DENND4C: variants seen among roughly 807,000 people sequenced by gnomAD.
DENND4C encodes DENN domain-containing protein 4C.
A neutral mutation model predicts 203.0 loss-of-function variants in DENND4C; 108 were observed. The observed-to-expected ratio is 0.53, with a 90% CI of 0.46 to 0.62. The LOEUF is 0.62. Among genes scored for constraint, DENND4C ranks in the 20% least tolerant of loss-of-function variants. The pLI, the probability that DENND4C is intolerant of heterozygous loss-of-function variation, is 0.00. For synonymous variants in DENND4C, 871 were observed against 792.4 expected (o/e 1.10, Z -1.67); for missense variants, 2,481 against 2,301.2 (o/e 1.08, Z -1.60).
chr9:19,353,927 T>C (rs765775379), intron 26 of DENND4C, among the ~76,000 whole-genome samples: 1 of 152,182 alleles, frequency 6.6e-6, no homozygotes, highest in Non-Finnish European at 1.5e-5. Flanking sequence ...TTCTCTGTTT[T>C]TTCTTTTAGC....
intron 1 of DENND4C, among the ~76,000 whole-genome samples, chr9:19,240,388 C>G (rs993451536): frequency 6.6e-6 from 1 of 152,122 alleles, no homozygotes; most frequent in Non-Finnish European, 1.5e-5. Flanking sequence ...GGGCCGGGAA[C>G]CAGGCACAGT....
At chr9:19,325,910 C>T in intron 13 of DENND4C, 29 bp from the exon 14 acceptor site, 2 of 1,585,938 alleles carry the variant, frequency 1.3e-6, no homozygotes, top group Non-Finnish European at 1.7e-6. Flanking sequence ...TGGACATTTT[C>T]ATTAAGAATC....
intron 12 of DENND4C, among the ~76,000 whole-genome samples, chr9:19,322,305 A>C (rs1037919749): frequency 2.6e-5 from 4 of 152,192 alleles, no homozygotes; most frequent in Non-Finnish European, 2.9e-5. Context: ...CAAGTAGTAC[A>C]TTCCTCCAGA....
At chr9:19,309,094 A>C (rs767953089) in intron 10 of DENND4C, among the ~76,000 whole-genome samples, 9 of 152,174 alleles carry the variant, frequency 5.9e-5, no homozygotes, top group Non-Finnish European at 8.8e-5. Context: ...CTAAGTGACT[A>C]TGGGATTTCT....
intron 2 of DENND4C, among the ~76,000 whole-genome samples, chr9:19,280,694 C>T (rs891845645): frequency 1.4e-5 from 2 of 141,382 alleles, no homozygotes; most frequent in Non-Finnish European, 3.1e-5. Context: ...CTCTTTTAGG[C>T]ATCTTTTTTT....
At chr9:19,322,945 C>T (rs906501160) in intron 12 of DENND4C, among the ~76,000 whole-genome samples, 1 of 152,066 alleles carries the variant, frequency 6.6e-6, no homozygotes, top group African/African-American at 2.4e-5. Context: ...CAAGGAAAGT[C>T]AAGGGACTGT....
At chr9:19,259,045 A>T (rs573054112) in intron 1 of DENND4C, among the ~76,000 whole-genome samples, 12 of 152,292 alleles carry the variant, frequency 7.9e-5, no homozygotes, top group African/African-American at 2.6e-4. Context: ...GTGTGTTCAC[A>T]TCAGGGTAAA....
At chr9:19,233,648 C>T (rs1821138169) in intron 1 of DENND4C, among the ~76,000 whole-genome samples, 1 of 94,298 alleles carries the variant, frequency 1.1e-5, no homozygotes, top group African/African-American at 3.8e-5. Flanking sequence ...GCAGCCTCTG[C>T]CTCCCAGATT....
intron 7 of DENND4C, among the ~76,000 whole-genome samples, chr9:19,298,899 C>T (rs954126664): frequency 7.2e-5 from 11 of 152,078 alleles, no homozygotes; most frequent in Non-Finnish European, 1.5e-4. Context: ...CTGCCAAGTG[C>T]CTACAGTCTG....
chr9:19,276,245 T>C lies in DENND4C; in HGVS notation c.71T>C (p.Leu24Pro). 1.3e-5 allele frequency: 16 copies of C among 1,232,086 alleles called. No homozygotes were observed. Among genetic ancestry groups the C allele is most frequent in the Non-Finnish European group, 1.5e-5 (15 of 987,916 alleles). The allele number at this position is 1,232,086 out of a possible 1,614,324, so 76.3% of individuals were successfully genotyped here. A position where few individuals can be genotyped will look rare whatever the true frequency, so the allele number is the denominator to read the frequency against. Residue 24 changes from leucine (L) to proline (P), a missense_variant, in exon 2 of 33, where the codon CTT becomes CCT. This residue lies in a region of DENND4C where 187 missense variants were observed against 167.4 expected (regional missense o/e 1.12). Transcript: ENST00000434457. The stretch of plus-strand genomic sequence containing the variant: ...GCTGGTCTCACTGACACATCTACTC[T>C]TTTGGATCAAGAAATAAATCGTTTA... The part of the protein sequence containing the change: ...VVAGLTDTST[L>P]LDQEINRLDT...
chr9:19,232,674 A>T (rs561586992), intron 1 of DENND4C, among the ~76,000 whole-genome samples: 1 of 152,264 alleles, frequency 6.6e-6, no homozygotes, highest in Admixed American at 6.5e-5. Flanking sequence ...GAGTGTGGAG[A>T]CTATTCTTAA....
At chr9:19,319,319 T>C (rs548412126) in intron 12 of DENND4C, among the ~76,000 whole-genome samples, 83 of 42,432 alleles carry the variant, frequency 2.0e-3, no homozygotes, top group East Asian at 6.8e-3. Flanking sequence ...TATACACACA[T>C]ATATATACAT....
chr9:19,338,965 A>G (rs1821053010), intron 20 of DENND4C, among the ~76,000 whole-genome samples: 1 of 152,202 alleles, frequency 6.6e-6, no homozygotes, highest in Non-Finnish European at 1.5e-5. Flanking sequence ...TTTTGATTTT[A>G]AAGTATAGAA....
At chr9:19,247,645 T>A (rs1825615227) in intron 1 of DENND4C, among the ~76,000 whole-genome samples, 1 of 152,166 alleles carries the variant, frequency 6.6e-6, no homozygotes. Context: ...CCTCCCACCT[T>A]GGCCTCCCAA....
chr9:19,335,288 A>C (rs1358260196), intron 18 of DENND4C, among the ~76,000 whole-genome samples, 183 bp downstream of exon 18: 1 of 152,144 alleles, frequency 6.6e-6, no homozygotes, highest in African/African-American at 2.4e-5. Context: ...TGATGTTTTG[A>C]GATATGTATA....
At chr9:19,280,902 G>A (rs946159244) in intron 2 of DENND4C, among the ~76,000 whole-genome samples, 2 of 151,856 alleles carry the variant, frequency 1.3e-5, no homozygotes, top group Admixed American at 1.3e-4. Context: ...CACCATACCC[G>A]GCTAAGTTTT....
At chr9:19,320,007 G>C (rs1461382627) in intron 12 of DENND4C, among the ~76,000 whole-genome samples, 1 of 152,066 alleles carries the variant, frequency 6.6e-6, no homozygotes, top group Non-Finnish European at 1.5e-5. Context: ...TCTGCCACTT[G>C]TATTCCTGTA....
In DENND4C at chr9:19,360,264, C is replaced by T; in HGVS notation, c.5181C>T (p.Pro1727=). 1 of 1,612,646 alleles carries T rather than the reference C, an allele frequency of 6.2e-7. No homozygotes were observed. ...QEVVDPLGKR[P]NPPPVSVPYL... ...TTAAGGATCCTTTAGGAAAAAGACC[C>T]AATCCTCCCCCTGTTTCTGTGCCCT... Residue 1727 remains proline (P), a synonymous_variant, in exon 29 of 33, where the codon CCC becomes CCT. Transcript: ENST00000434457.
chr9:19,370,468 G>C (rs921669553), intron 31 of DENND4C, among the ~76,000 whole-genome samples: 1 of 151,560 alleles, frequency 6.6e-6, no homozygotes, highest in East Asian at 1.9e-4. Context: ...AAAAAAAAAA[G>C]AGTGGAAATA....
Sources: allele counts gnomAD v4.1 joint callset (sites outside exome capture counted in the v4.1 genomes callset), GRCh38; gene constraint gnomAD v4.1.1; regional missense constraint gnomAD v4.1.1; transcripts MANE v1.5; gene names NCBI Gene and HGNC (gene_info 2026-07-23, HGNC 2026-07-21).